Variants in DSCAM observed in about 807,000 individuals in gnomAD.
The protein encoded by DSCAM is cell adhesion molecule DSCAM.
A neutral mutation model predicts 217.7 loss-of-function variants in DSCAM; 47 were observed. The observed-to-expected ratio is 0.22, with a 90% CI of 0.17 to 0.28. The LOEUF (loss-of-function observed/expected upper bound fraction) is 0.28. Among genes scored for constraint, DSCAM ranks in the 10% least tolerant of loss-of-function variants. The pLI, the probability that DSCAM is intolerant of heterozygous loss-of-function variation, is 1.00. For missense variants in DSCAM, 2,080 were observed against 2,618.3 expected (o/e 0.79, Z 4.49); for synonymous variants, 1,056 against 1,015.3 (o/e 1.04, Z -0.76).
At chr21:40,475,798 T>C (rs1426782335) in intron 3 of DSCAM, among the ~76,000 whole-genome samples, 1 of 151,930 alleles carries the variant, frequency 6.6e-6, no homozygotes, top group African/African-American at 2.4e-5. Context: ...GCCGTCGCAC[T>C]CCAGCCTGGG....
chr21:40,486,808 T>C (rs557379579), intron 3 of DSCAM, among the ~76,000 whole-genome samples: 48 of 152,284 alleles, frequency 3.2e-4, no homozygotes, highest in African/African-American at 8.7e-4. Flanking sequence ...TCAACATCTG[T>C]CATCAAACAG....
intron 27 of DSCAM, among the ~76,000 whole-genome samples, chr21:40,064,813 A>C (rs947646293): frequency 8.5e-5 from 13 of 152,146 alleles, no homozygotes; most frequent in African/African-American, 3.1e-4. Context: ...TTAAAGAGCT[A>C]AGGAGATGTG....
intron 14 of DSCAM, among the ~76,000 whole-genome samples, chr21:40,182,323 A>C (rs1294858279): frequency 1.3e-5 from 2 of 152,026 alleles, no homozygotes; most frequent in Non-Finnish European, 2.9e-5. Flanking sequence ...CCTCAGGGTG[A>C]ACTAGGGGTG....
At chr21:40,228,635 C>A (rs1333131247) in intron 11 of DSCAM, among the ~76,000 whole-genome samples, 1 of 148,642 alleles carries the variant, frequency 6.7e-6, no homozygotes, top group East Asian at 2.0e-4. Context: ...TCCCCCTCCA[C>A]CTCTTTTCTT....
chr21:40,100,386 C>A (rs1011377791), intron 20 of DSCAM, among the ~76,000 whole-genome samples: 2 of 152,064 alleles, frequency 1.3e-5, no homozygotes, highest in African/African-American at 4.8e-5. Context: ...AAATATTTCC[C>A]TCCATATTTT....
chr21:40,746,020 T>C (rs1430112372), intron 1 of DSCAM, among the ~76,000 whole-genome samples: 1 of 151,844 alleles, frequency 6.6e-6, no homozygotes. Flanking sequence ...ATTTTAAGCA[T>C]CATGGTATTT....
chr21:40,197,202 T>C (rs961491127), intron 11 of DSCAM, among the ~76,000 whole-genome samples: 2 of 152,108 alleles, frequency 1.3e-5, no homozygotes, highest in East Asian at 1.9e-4. Context: ...CACTGCAAGC[T>C]CCGCCTCCCG....
chr21:40,402,283 A>G (rs972258817), intron 3 of DSCAM, among the ~76,000 whole-genome samples: 2 of 149,538 alleles, frequency 1.3e-5, no homozygotes, highest in African/African-American at 4.9e-5. Context: ...GTTAGCCAGG[A>G]TGGTCTCAGT....
In DSCAM at chr21:40,460,496, A is replaced by C. The variant is rs578239979; in HGVS notation, c.509-91251T>G. Reference sequence around the variant, plus strand: ...CAACTTAGAAACTTAACCACATAAAAAATAATTATTTACAGCAAAAGCAAA... The same window carrying C: ...CAACTTAGAAACTTAACCACATAAACAATAATTATTTACAGCAAAAGCAAA... On this transcript the variant is annotated intron_variant, in intron 3 of 32. Coordinates refer to ENST00000400454, the MANE Select transcript of DSCAM (RefSeq NM_001389.5). 1.4e-4 allele frequency among the ~76,000 whole-genome samples: 22 copies of C among 152,262 alleles called. No homozygotes were observed. In the East Asian group the frequency reaches 4.1e-3, roughly 28 times the overall value.
chr21:40,271,486 G>A (rs1254306962), intron 11 of DSCAM, among the ~76,000 whole-genome samples: 1 of 152,214 alleles, frequency 6.6e-6, no homozygotes, highest in African/African-American at 2.4e-5. Flanking sequence ...TGGGAGCGGG[G>A]AGGATGTAAT....
At chr21:40,162,653 A>G (rs144723354) in intron 16 of DSCAM, among the ~76,000 whole-genome samples, 53 of 152,352 alleles carry the variant, frequency 3.5e-4, no homozygotes, top group African/African-American at 9.6e-4. Context: ...TCTTCAGATT[A>G]CTGAAATTTA....
chr21:40,577,414 C>T (rs1016955282), intron 3 of DSCAM, among the ~76,000 whole-genome samples: 14 of 151,732 alleles, frequency 9.2e-5, no homozygotes, highest in South Asian at 4.2e-4. Flanking sequence ...CTCCGGAAGA[C>T]GGTCACTCTT....
chr21:40,691,138 A>G (rs1015188884), intron 3 of DSCAM, among the ~76,000 whole-genome samples: 1 of 152,236 alleles, frequency 6.6e-6, no homozygotes, highest in African/African-American at 2.4e-5. Context: ...CCAGATTTCC[A>G]GTTCTCCTCT....
At position 40,070,148 on chromosome 21, in the gene DSCAM, T is replaced by C. The variant is rs570266768; in HGVS notation, c.4888+4889A>G. On this transcript the variant is annotated intron_variant, in intron 27 of 32. Transcript: ENST00000400454. ...AAGTTTGATGTTTTAAGAGAATAAT[T>C]TCATTAAGAAACCAAGACAGAAAGA... Among the ~76,000 whole-genome samples the C allele has an allele frequency of 7.1e-3, 1,080 of 151,342 alleles. 16 individuals carry two copies. The highest frequency in any genetic ancestry group is 0.025 in the African/African-American group (1,013 of 41,144).
At chr21:40,630,160 A>T (rs549402488) in intron 3 of DSCAM, among the ~76,000 whole-genome samples, 2 of 152,322 alleles carry the variant, frequency 1.3e-5, no homozygotes, top group South Asian at 2.1e-4. Context: ...AGGAAAGCAC[A>T]AAGTATGTCT....
chr21:40,492,285 T>C (rs146717847), intron 3 of DSCAM, among the ~76,000 whole-genome samples: 47 of 152,290 alleles, frequency 3.1e-4, no homozygotes, highest in African/African-American at 1.1e-3. Context: ...ATATAGGTCA[T>C]TGGTAGCCAG....
intron 3 of DSCAM, among the ~76,000 whole-genome samples, chr21:40,445,890 G>A (rs2075670784): frequency 2.0e-5 from 3 of 152,124 alleles, no homozygotes; most frequent in African/African-American, 7.2e-5. Context: ...CAAATAATAA[G>A]ACTCTATTAC....
intron 3 of DSCAM, among the ~76,000 whole-genome samples, chr21:40,389,665 C>A (rs1251244636): frequency 6.6e-6 from 1 of 152,194 alleles, no homozygotes; most frequent in Non-Finnish European, 1.5e-5. Flanking sequence ...TGATAAACCA[C>A]ACCCTAAACT....
chr21:40,809,800 A>T (rs1015555592), intron 1 of DSCAM, among the ~76,000 whole-genome samples: 13 of 152,210 alleles, frequency 8.5e-5, no homozygotes, highest in Admixed American at 2.0e-4. Context: ...AAGATGCTTT[A>T]AAGAAAGGTT....
Sources: allele counts gnomAD v4.1 joint callset (sites outside exome capture counted in the v4.1 genomes callset), GRCh38; gene constraint gnomAD v4.1.1; transcripts MANE v1.5; gene names NCBI Gene and HGNC (gene_info 2026-07-23, HGNC 2026-07-21).